Variants in RANBP17 observed in about 807,000 individuals in gnomAD.
The protein encoded by RANBP17 is RAN binding protein 17.
RANBP17 carries 158 observed loss-of-function variants against 141.2 expected under a neutral mutation model. The ratio of observed to expected loss-of-function variants is 1.12; its 90% CI spans 0.98 to 1.28. The LOEUF (loss-of-function observed/expected upper bound fraction) is 1.28. Ranked by LOEUF, RANBP17 falls within the 50% of genes most tolerant of loss-of-function variation. The pLI is 0.00. For missense variants in RANBP17, 1,438 were observed against 1,290.7 expected, an observed-to-expected ratio of 1.11 and a Z score of -1.75; for synonymous variants, 430 against 450.0, an observed-to-expected ratio of 0.96 and a Z score of 0.56.
intron 12 of RANBP17, among the ~76,000 whole-genome samples, chr5:170,932,966 G>C (rs1164345671): frequency 3.3e-5 from 5 of 152,106 alleles, no homozygotes; most frequent in Non-Finnish European, 7.4e-5. Context: ...CTGTTGATTG[G>C]AATAGTTTGA....
intron 22 of RANBP17, 79 bp from the exon 23 acceptor site, chr5:171,240,849 A>G (rs1487282258): frequency 1.1e-6 from 1 of 880,802 alleles, no homozygotes; most frequent in Non-Finnish European, 1.7e-6. Flanking sequence ...GCAGTAAAGT[A>G]AAAATGTTAA....
At chr5:171,019,821 A>AG (rs1780724808) in intron 14 of RANBP17, among the ~76,000 whole-genome samples, 1 of 151,684 alleles carries the variant, frequency 6.6e-6, no homozygotes, top group Admixed American at 6.6e-5. Context: ...GCTAGCTTTC[A>AG]GATTAGTTTG....
Position 171,006,491 on chromosome 5 carries a change from C to G in RANBP17, c.1710+38114C>G, listed in dbSNP as rs533833590. ...AACCATCATTCTCAGCAAACTATCG[C>G]AAGGACAAAAAACCAAACACTCCAC... is the stretch of plus-strand genomic sequence containing the variant. On this transcript the variant is annotated intron_variant, in intron 14 of 27. Transcript: ENST00000523189. Among the ~76,000 whole-genome samples, 7 of 152,104 alleles carry G rather than the reference C, an allele frequency of 4.6e-5. No homozygotes were observed. In the South Asian group the frequency reaches 1.5e-3, roughly 32 times the overall value.
intron 14 of RANBP17, among the ~76,000 whole-genome samples, chr5:171,000,074 T>A (rs866374540): frequency 2.6e-5 from 4 of 152,176 alleles, no homozygotes; most frequent in Non-Finnish European, 5.9e-5. Context: ...GACATCAGAA[T>A]TTTTTTCTAT....
At chr5:171,184,739 A>G (rs1311657636) in intron 18 of RANBP17, among the ~76,000 whole-genome samples, 1 of 152,240 alleles carries the variant, frequency 6.6e-6, no homozygotes, top group Non-Finnish European at 1.5e-5. Flanking sequence ...CCATCATGAT[A>G]AAGTGATACA....
rs17651913 is a variant in RANBP17, at chr5:171,247,931, G to A, written c.2776+5111G>A. Among the ~76,000 whole-genome samples, 1,084 of 152,282 alleles carry A rather than the reference G, an allele frequency of 7.1e-3. 7 individuals are homozygous for A. Among genetic ancestry groups the A allele is most frequent in the Non-Finnish European group, 0.012 (836 of 68,014 alleles). On this transcript the variant is annotated intron_variant, in intron 24 of 27. Transcript: ENST00000523189. ...GCGCTAAACAAAGAATTAAAATGGG[G>A]TGGTGGAAAAAGAATAAGTCAAGAT...
At chr5:171,076,843 A>G (rs1047366149) in intron 14 of RANBP17, among the ~76,000 whole-genome samples, 5 of 152,210 alleles carry the variant, frequency 3.3e-5, no homozygotes, top group African/African-American at 9.6e-5. Context: ...AAAATCCAAC[A>G]TTTATATCCA....
intron 24 of RANBP17, among the ~76,000 whole-genome samples, chr5:171,262,133 A>G (rs2128016115): frequency 6.6e-6 from 1 of 152,330 alleles, no homozygotes; most frequent in Non-Finnish European, 1.5e-5. Context: ...CACCAAATCT[A>G]TGTGAAGTCT....
rs10050900 is a variant in RANBP17 at position 170,897,288 on chromosome 5, G to C, written c.489+1173G>C. The C allele has an allele frequency of 1.3e-3, 832 of 627,262 alleles. 5 individuals are homozygous for C. The African/African-American group carries it at 0.014, about 10-fold the overall frequency. The allele number at this position is 627,262 out of a possible 1,614,324, so 38.9% of individuals were successfully genotyped here. On this transcript the variant is annotated intron_variant, in intron 5 of 27. Coordinates refer to ENST00000523189, the MANE Select transcript of RANBP17 (RefSeq NM_022897.5). ...GCAGAGCACTGTGATTGCTTGCAGT[G>C]TTTCTTTATAATACATTCCGTGGGA...
intron 14 of RANBP17, among the ~76,000 whole-genome samples, chr5:171,071,934 C>G (rs1784658561): frequency 6.6e-6 from 1 of 151,908 alleles, no homozygotes; most frequent in Non-Finnish European, 1.5e-5. Context: ...GCACTGTTAA[C>G]AAGAATGAAA....
chr5:171,215,052 C>A (rs1561771130), intron 21 of RANBP17, among the ~76,000 whole-genome samples: 2 of 151,976 alleles, frequency 1.3e-5, no homozygotes, highest in Non-Finnish European at 2.9e-5. Flanking sequence ...TTTCCATCCC[C>A]TTGCCCCCCA....
chr5:171,126,888 A>G (rs1437953647), intron 14 of RANBP17, among the ~76,000 whole-genome samples: 1 of 152,192 alleles, frequency 6.6e-6, no homozygotes, highest in African/African-American at 2.4e-5. Flanking sequence ...GAATTTTACC[A>G]AACTTATAAA....
At position 171,170,170 on chromosome 5, in the gene RANBP17, A is replaced by G. The variant is rs771324262; in HGVS notation, c.1751A>G (p.Asp584Gly). The change falls in exon 15 of 28, where the codon GAC becomes GGC. Residue 584 changes from aspartate (D) to glycine (G), a missense_variant. Transcript: ENST00000523189. ...TCAGAAGTCTTAGGAATAACAGATG[A>G]CAACCACGTTCTAGAGACGTTCATG... ...RMSEVLGITD[D>G]NHVLETFMTK... 11 of 1,586,776 alleles carry G rather than the reference A, an allele frequency of 6.9e-6. No homozygotes were observed. In the East Asian group the frequency reaches 2.5e-4, roughly 36 times the overall value.
At chr5:171,224,703 G>A (rs1055773901) in intron 22 of RANBP17, among the ~76,000 whole-genome samples, 4 of 152,140 alleles carry the variant, frequency 2.6e-5, no homozygotes, top group East Asian at 1.9e-4. Context: ...GAGACAAAAC[G>A]TCCAGAGCAT....
chr5:171,171,169 A>C, intron 15 of RANBP17, 37 bp from the exon 16 acceptor site: 1 of 1,142,546 alleles, frequency 8.8e-7, no homozygotes, highest in South Asian at 1.3e-5. Flanking sequence ...ACAAGCAAAT[A>C]TCTTACTTAT....
chr5:170,901,227 CTCT>C (rs1770610435), intron 5 of RANBP17, among the ~76,000 whole-genome samples: 1 of 152,150 alleles, frequency 6.6e-6, no homozygotes, highest in Non-Finnish European at 1.5e-5. Flanking sequence ...GGATAGTTAG[CTCT>C]TCTTGTTGTG....
At chr5:171,233,834 C>A (rs946777992) in intron 22 of RANBP17, among the ~76,000 whole-genome samples, 3 of 152,130 alleles carry the variant, frequency 2.0e-5, no homozygotes, top group Admixed American at 6.5e-5. Context: ...ATACATTTGT[C>A]CAAACCCATA....
intron 14 of RANBP17, among the ~76,000 whole-genome samples, chr5:171,125,270 G>A (rs370095205): frequency 2.3e-4 from 34 of 147,956 alleles, no homozygotes; most frequent in Admixed American, 3.4e-4. Context: ...GTGCTCCAGC[G>A]TGGGTGACAG....
chr5:171,048,724 A>G (rs969852622), intron 14 of RANBP17, among the ~76,000 whole-genome samples: 1 of 152,168 alleles, frequency 6.6e-6, no homozygotes, highest in African/African-American at 2.4e-5. Context: ...AAGTGAGAAC[A>G]TGTGGCATTT....
Sources: allele counts gnomAD v4.1 joint callset (sites outside exome capture counted in the v4.1 genomes callset), GRCh38; gene constraint gnomAD v4.1.1; transcripts MANE v1.5; gene names NCBI Gene and HGNC (gene_info 2026-07-23, HGNC 2026-07-21).